RIMS2: variants seen among roughly 807,000 people sequenced by gnomAD.
RIMS2 encodes the protein regulating synaptic membrane exocytosis protein 2.
RIMS2 carries 59 observed loss-of-function variants against 174.4 expected under a neutral mutation model. The observed-to-expected ratio is 0.34, with a 90% CI of 0.27 to 0.42. The LOEUF (loss-of-function observed/expected upper bound fraction) is 0.42, where lower values mean the gene tolerates loss of function less well. RIMS2 is among the 10% of genes least tolerant of loss of function. The probability of loss-of-function intolerance (pLI) is 1.00; values close to 1 mark genes in which losing one functional copy is unlikely to be tolerated. For synonymous variants in RIMS2, 606 were observed against 572.5 expected (o/e 1.06, Z -0.84); for missense variants, 1,620 against 1,666.3 (o/e 0.97, Z 0.48).
At chr8:103,998,173 C>G (rs1283413728) in intron 17 of RIMS2, 7 of 1,583,924 alleles carry the variant, frequency 4.4e-6, no homozygotes, top group Middle Eastern at 1.7e-4. Flanking sequence ...CTTGTTTCTG[C>G]CATGCTTGCA....
chr8:104,075,569 G>A (rs912426673), intron 19 of RIMS2, among the ~76,000 whole-genome samples: 2 of 152,156 alleles, frequency 1.3e-5, no homozygotes, highest in African/African-American at 4.8e-5. Context: ...GCCAGTGGCT[G>A]TACCTGGATT....
intron 19 of RIMS2, among the ~76,000 whole-genome samples, chr8:104,235,225 T>C (rs909458837): frequency 3.9e-5 from 6 of 152,156 alleles, no homozygotes; most frequent in Non-Finnish European, 5.9e-5. Flanking sequence ...TTCAAGTCAC[T>C]GATTATTCTG....
At chr8:104,052,136 G>T (rs1326663986) in intron 19 of RIMS2, among the ~76,000 whole-genome samples, 3 of 152,076 alleles carry the variant, frequency 2.0e-5, no homozygotes, top group African/African-American at 7.2e-5. Flanking sequence ...AATTTTTAGG[G>T]TGATAGAAAT....
chr8:104,201,994 T>C lies in RIMS2; in HGVS notation c.3335-42922T>C, dbSNP rs560537011. Among the ~76,000 whole-genome samples the C allele has an allele frequency of 3.9e-5, 6 of 152,282 alleles. No homozygotes were observed. The South Asian group carries it at 1.2e-3, about 32-fold the overall frequency. On this transcript the variant is annotated intron_variant, in intron 19 of 23. Coordinates refer to ENST00000504942, the Ensembl canonical transcript of RIMS2. ...GTTGGTAATAATGTAGTTTCTTTAT[T>C]ACAATTTGTTTAGATAAAATAGCGT...
intron 1 of RIMS2, among the ~76,000 whole-genome samples, chr8:103,605,807 T>C (rs1202240835): frequency 6.6e-6 from 1 of 152,098 alleles, no homozygotes; most frequent in Non-Finnish European, 1.5e-5. Context: ...TGTAGTATTC[T>C]CTGATGGTAG....
At chr8:103,656,376 C>G (rs552122007) in intron 1 of RIMS2, among the ~76,000 whole-genome samples, 1 of 152,074 alleles carries the variant, frequency 6.6e-6, no homozygotes, top group Non-Finnish European at 1.5e-5. Flanking sequence ...GTTAGTATGG[C>G]ACATAAAGCT....
chr8:104,210,234 T>C (rs2441912), intron 19 of RIMS2, among the ~76,000 whole-genome samples: 24,165 of 152,126 alleles, frequency 0.16, 2,472 homozygotes, highest in Non-Finnish European at 0.23. Flanking sequence ...AAGAGGACTT[T>C]TTTACAATTA....
chr8:104,112,457 G>T (rs80070936), intron 19 of RIMS2, among the ~76,000 whole-genome samples: 2 of 151,654 alleles, frequency 1.3e-5, no homozygotes, highest in African/African-American at 4.8e-5. Context: ...ACCTACATAC[G>T]TATATGATAT....
chr8:104,143,543 G>A (rs1243669753), intron 19 of RIMS2, among the ~76,000 whole-genome samples: 1 of 152,182 alleles, frequency 6.6e-6, no homozygotes, highest in African/African-American at 2.4e-5. Flanking sequence ...AAGCACAACA[G>A]TAGGAAGAAA....
chr8:103,951,328 C>A (rs1320535091), intron 14 of RIMS2, among the ~76,000 whole-genome samples: 1 of 152,180 alleles, frequency 6.6e-6, no homozygotes, highest in African/African-American at 2.4e-5. Context: ...GCAAGATGAC[C>A]GAATAGGAAC....
In RIMS2 at chr8:104,013,553, A is replaced by G. The variant is rs1170256521; in HGVS notation, c.3156A>G (p.Thr1052=). 5 of 1,613,720 alleles carry G rather than the reference A, an allele frequency of 3.1e-6. No individual in the cohort carries two copies. In the Admixed American group the frequency reaches 6.7e-5, roughly 22 times the overall value. Residue 1052 remains threonine, a synonymous_variant, in exon 18 of 24, where the codon ACA becomes ACG. Coordinates refer to ENST00000504942, the Ensembl canonical transcript of RIMS2. ...CCAGATCCACTGAACGTCCTGATAC[A>G]AACCTCATGAGGTCGATGCCTTCAT...
chr8:103,750,877 A>G (rs764183807), intron 2 of RIMS2, among the ~76,000 whole-genome samples: 1 of 152,124 alleles, frequency 6.6e-6, no homozygotes, highest in Non-Finnish European at 1.5e-5. Context: ...TGCTTTGGCT[A>G]TGTCCCCAAC....
At chr8:103,918,597 TC>T in intron 9 of RIMS2, 110 bp downstream of exon 12, 4 of 819,936 alleles carry the variant, frequency 4.9e-6, no homozygotes, top group Non-Finnish European at 8.4e-6. Context: ...AACCTTGTTA[TC>T]AAGTCTGTAA....
At chr8:103,789,749 C>CTTTTTTTTTTTTTTTTTTT (rs11354049) in intron 3 of RIMS2, among the ~76,000 whole-genome samples, 1 of 85,186 alleles carries the variant, frequency 1.2e-5, no homozygotes, top group Admixed American at 1.5e-4. Flanking sequence ...GGATTGTACT[C>CTTTTTTTTTTTTTTTTTTT]TTTTTTTTTT....
At chr8:104,223,160 G>T (rs1175232865) in intron 19 of RIMS2, among the ~76,000 whole-genome samples, 2 of 152,172 alleles carry the variant, frequency 1.3e-5, no homozygotes, top group South Asian at 4.1e-4. Flanking sequence ...TTAACCACGC[G>T]GAGGGAAGAG....
At chr8:103,888,316 T>G (rs2099219004) in intron 4 of RIMS2, among the ~76,000 whole-genome samples, 1 of 151,454 alleles carries the variant, frequency 6.6e-6, no homozygotes, top group Admixed American at 6.6e-5. Context: ...TAAGAAAAAC[T>G]TGCTTATTAA....
chr8:104,216,370 T>C (rs551619918), intron 19 of RIMS2, among the ~76,000 whole-genome samples: 2 of 152,332 alleles, frequency 1.3e-5, no homozygotes, highest in South Asian at 2.1e-4. Context: ...CAGTTCTTAT[T>C]AGCAGTTTCA....
intron 2 of RIMS2, among the ~76,000 whole-genome samples, chr8:103,728,198 T>G (rs2138750241): frequency 6.6e-6 from 1 of 152,276 alleles, no homozygotes. Flanking sequence ...TTTGTGTTTA[T>G]TGTAAATGGG....
chr8:104,037,215 T>TTCTTA (rs1277168849), intron 19 of RIMS2, among the ~76,000 whole-genome samples: 2 of 152,144 alleles, frequency 1.3e-5, no homozygotes, highest in African/African-American at 4.8e-5. Flanking sequence ...TCCTACTAGG[T>TTCTTA]TCTTACTTAG....
Sources: allele counts gnomAD v4.1 joint callset (sites outside exome capture counted in the v4.1 genomes callset), GRCh38; gene constraint gnomAD v4.1.1; transcripts MANE v1.5; gene names NCBI Gene and HGNC (gene_info 2026-07-23, HGNC 2026-07-21).